PDXK: variants seen among roughly 807,000 people sequenced by gnomAD.
The protein encoded by PDXK is epididymis secretory sperm binding protein Li 1a.
In PDXK, 15 loss-of-function variants were observed where a neutral mutation model predicts 43.2. That is an observed-to-expected ratio of 0.35 (90% CI 0.23 to 0.53). The LOEUF (loss-of-function observed/expected upper bound fraction) is 0.53, where lower values mean the gene tolerates loss of function less well. Ranked by LOEUF, PDXK falls within the 20% of genes least tolerant of loss-of-function variation. PDXK has a pLI of 0.92. For missense variants in PDXK, 343 were observed against 417.0 expected, an observed-to-expected ratio of 0.82 and a Z score of 1.54; for synonymous variants, 172 against 165.4, an observed-to-expected ratio of 1.04 and a Z score of -0.31.
chr21:43,734,893 A>C lies in PDXK; in HGVS notation c.142+770A>C, dbSNP rs1445175175. On this transcript the variant is annotated intron_variant, in intron 2 of 10. Coordinates refer to ENST00000291565, the MANE Select transcript of PDXK (RefSeq NM_003681.5). This position sits in a 1 kb window ranked among gnomAD's most constrained non-coding sequence, Gnocchi z 5.0. Reference sequence around the variant, plus strand: ...TGAAATTTCTCTGAACCCAGGCGGAACCTTGGGAGCACAGAACGTCCCAGA... The same window carrying C: ...TGAAATTTCTCTGAACCCAGGCGGACCCTTGGGAGCACAGAACGTCCCAGA... Among the ~76,000 whole-genome samples, 3 of 152,056 alleles carry C rather than the reference A, an allele frequency of 2.0e-5. No individual in the cohort carries two copies. The highest frequency in any genetic ancestry group is 4.4e-5 in the Non-Finnish European group (3 of 67,998).
intron 2 of PDXK, among the ~76,000 whole-genome samples, chr21:43,739,344 CTG>C (rs1322809232): frequency 6.6e-6 from 1 of 152,188 alleles, no homozygotes; most frequent in Non-Finnish European, 1.5e-5. Flanking sequence ...AACTCTTAAC[CTG>C]TCTCTTCTCA....
chr21:43,729,956 CCAAAA>C (rs2083296705), intron 1 of PDXK, among the ~76,000 whole-genome samples: 1 of 151,700 alleles, frequency 6.6e-6, no homozygotes, highest in Non-Finnish European at 1.5e-5. Context: ...AAAAAGAAAA[CCAAAA>C]CAAAACAAAA....
chr21:43,719,557 CG>C (rs2083189017), intron 1 of PDXK, 176 bp downstream of exon 1: 5 of 970,092 alleles, frequency 5.2e-6, no homozygotes, highest in Non-Finnish European at 6.1e-6. Context: ...CTTGCGGGGG[CG>C]GAAGCGGAGG....
chr21:43,725,120 G>A (rs907871787), intron 1 of PDXK, among the ~76,000 whole-genome samples: 7 of 151,766 alleles, frequency 4.6e-5, no homozygotes, highest in African/African-American at 1.7e-4. Context: ...TCAGGAGATC[G>A]AGACCAGTCT....
intron 7 of PDXK, among the ~76,000 whole-genome samples, chr21:43,751,539 C>T (rs563839006): frequency 3.3e-5 from 5 of 152,254 alleles, no homozygotes; most frequent in African/African-American, 1.2e-4. Context: ...ACAGAGTGAG[C>T]GAGACTCCAT....
At chr21:43,728,601 C>CT (rs2083278034) in intron 1 of PDXK, 1 of 493,542 alleles carries the variant, frequency 2.0e-6, no homozygotes, top group Middle Eastern at 1.0e-3. Context: ...GTCTGGCTGT[C>CT]TGCCTGTCTG....
chr21:43,726,334 G>A (rs1268495643), intron 1 of PDXK, among the ~76,000 whole-genome samples: 3 of 144,612 alleles, frequency 2.1e-5, no homozygotes, highest in Non-Finnish European at 4.5e-5. Context: ...GTGCAGTGGC[G>A]TGATCTTGGC....
Position 43,749,009 on chromosome 21 carries a change from C to T in PDXK, c.393C>T (p.Asp131=), listed in dbSNP as rs2083687468. Residue 131 remains aspartate, a synonymous_variant, in exon 6 of 11, where the codon GAC becomes GAT. Transcript: ENST00000291565. ...TTGTTGGCCAGTACGTCCCGGAGGA[C>T]CTCCTTCCCGTCTACAAAGAAAAAG... ...DGEGSMYVPE[D]LLPVYKEKVV... The T allele has an allele frequency of 1.2e-6, 2 of 1,610,540 alleles. No individual in the cohort carries two copies. The highest frequency in any genetic ancestry group is 1.7e-6 in the Non-Finnish European group (2 of 1,176,818).
At chr21:43,748,927 C>T in intron 5 of PDXK, 68 bp from the exon 6 acceptor site, 5 of 971,690 alleles carry the variant, frequency 5.1e-6, no homozygotes, top group Non-Finnish European at 8.1e-6. Context: ...GTGGGCTTCC[C>T]TCCGCGCCCC....
chr21:43,719,461 C>A, intron 1 of PDXK, 80 bp downstream of exon 1: 1 of 1,391,502 alleles, frequency 7.2e-7, no homozygotes, highest in East Asian at 3.0e-5. Context: ...AGCCTCAGTT[C>A]CCCGAGGGAG....
chr21:43,750,906 G>A (rs924253652), intron 7 of PDXK, among the ~76,000 whole-genome samples: 2 of 136,962 alleles, frequency 1.5e-5, no homozygotes, highest in African/African-American at 5.2e-5. Flanking sequence ...GCATGGGTGT[G>A]CACGCATGTG....
At position 43,737,887 on chromosome 21, in the gene PDXK, T is replaced by C; in HGVS notation, c.142+3764T>C. Reference sequence around the variant, plus strand: ...GACACAAGATCCAAGCGCCCTCCCCTGTTGGAGAAGGTTCTTGTGGGCTCT... The same window carrying C: ...GACACAAGATCCAAGCGCCCTCCCCCGTTGGAGAAGGTTCTTGTGGGCTCT... On this transcript the variant is annotated intron_variant, in intron 2 of 10. Transcript: ENST00000291565. This position sits in a 1 kb window ranked among gnomAD's most constrained non-coding sequence, Gnocchi z 4.8. 1 of 985,464 alleles carries C rather than the reference T, an allele frequency of 1.0e-6. No individual in the cohort carries two copies. Among genetic ancestry groups the C allele is most frequent in the Non-Finnish European group, 1.2e-6 (1 of 829,926 alleles). 61.0% of individuals were successfully genotyped at this position (985,464 alleles called of 1,614,324 possible).
chr21:43,743,917 G>C (rs62229217), intron 4 of PDXK, 110 bp downstream of exon 4: 20 of 711,308 alleles, frequency 2.8e-5, no homozygotes, highest in Non-Finnish European at 4.9e-5. Context: ...GCACGCCTCC[G>C]TGCCCCGCCT....
In PDXK at chr21:43,756,422, G is replaced by A. The variant is rs529177313; in HGVS notation, c.*359G>A. 8.4e-6 allele frequency: 2 copies of A among 238,330 alleles called. No individual in the cohort carries two copies. The highest frequency in any genetic ancestry group is 5.1e-5 in the South Asian group (1 of 19,642). 14.8% of individuals were successfully genotyped at this position (238,330 alleles called of 1,614,324 possible). A position where few individuals can be genotyped will look rare whatever the true frequency, so the allele number is the denominator to read the frequency against. ...CGAGTGGGCCCTGGCTGCCACTACC[G>A]TACAGAGGCCGTGTCGCGCTGGGCT... On this transcript the variant is annotated 3_prime_UTR_variant, in exon 11 of 11. Transcript: ENST00000291565.
intron 1 of PDXK, among the ~76,000 whole-genome samples, chr21:43,733,059 T>TA (rs1005647290): frequency 6.6e-6 from 1 of 152,198 alleles, no homozygotes; most frequent in African/African-American, 2.4e-5. Context: ...CAAAAAAAGT[T>TA]AAAGTGCTAA....
At chr21:43,750,962 A>ATGTGTGTGTG (rs3042278) in intron 7 of PDXK, among the ~76,000 whole-genome samples, 18 of 150,624 alleles carry the variant, frequency 1.2e-4, no homozygotes, top group African/African-American at 3.2e-4. Flanking sequence ...ATGTGTGTGC[A>ATGTGTGTGTG]TGTGTGTGTG....
In PDXK at chr21:43,761,280, A is replaced by G. The variant is rs551575294; in HGVS notation, c.*5217A>G. ...CTCTCCTTTCTTCCCATCCACCAGTATACTGCGGGGCCATTTCTGGTCTTT... is the reference window on the plus strand; with the variant it reads ...CTCTCCTTTCTTCCCATCCACCAGTGTACTGCGGGGCCATTTCTGGTCTTT... On this transcript the variant is annotated 3_prime_UTR_variant, in exon 11 of 11. Transcript: ENST00000291565. The G allele has an allele frequency of 4.6e-5, 7 of 152,554 alleles. No homozygotes were observed. Among genetic ancestry groups the G allele is most frequent in the African/African-American group, 1.7e-4 (7 of 41,516 alleles). The allele number at this position is 152,554 out of a possible 1,614,324, so 9.5% of individuals were successfully genotyped here. A position where few individuals can be genotyped will look rare whatever the true frequency, so the allele number is the denominator to read the frequency against.
At chr21:43,751,507 C>T (rs1263361138) in intron 7 of PDXK, among the ~76,000 whole-genome samples, 6 of 152,240 alleles carry the variant, frequency 3.9e-5, no homozygotes, top group African/African-American at 1.2e-4. Context: ...TGAGATTGCA[C>T]CACTGCACTC....
At chr21:43,743,308 T>C (rs60035462) in intron 3 of PDXK, among the ~76,000 whole-genome samples, 11 of 20,122 alleles carry the variant, frequency 5.5e-4, no homozygotes, top group East Asian at 1.4e-3. Flanking sequence ...ACCCACCTCC[T>C]TCCCCCCAGC....
Sources: allele counts gnomAD v4.1 joint callset (sites outside exome capture counted in the v4.1 genomes callset), GRCh38; gene constraint gnomAD v4.1.1; non-coding constraint Gnocchi (gnomAD v3.1); transcripts MANE v1.5; gene names NCBI Gene and HGNC (gene_info 2026-07-23, HGNC 2026-07-21).